Variants in TRARG1 observed in about 807,000 individuals in gnomAD.
TRARG1 encodes trafficking regulator of GLUT4 (SLC2A4) 1 (gene/pseudogene).
In TRARG1, 16 loss-of-function variants were observed where a neutral mutation model predicts 13.3. The observed-to-expected ratio is 1.20, with a 90% CI of 0.81 to 1.83. TRARG1 has a LOEUF of 1.83. Among genes scored for constraint, TRARG1 ranks in the 40% most tolerant of loss-of-function variants. The pLI is 0.00. For synonymous variants in TRARG1, 113 were observed against 106.2 expected (o/e 1.06, Z -0.39); for missense variants, 250 against 237.4 (o/e 1.05, Z -0.35).
At chr17:1,283,345 T>C (rs2071997382) in intron 1 of TRARG1, among the ~76,000 whole-genome samples, 1 of 152,064 alleles carries the variant, frequency 6.6e-6, no homozygotes, top group Non-Finnish European at 1.5e-5. Context: ...GGTACGTAAG[T>C]GGCAGCGGGG....
chr17:1,288,489 T>C (rs1306907667), intron 1 of TRARG1, among the ~76,000 whole-genome samples: 134 of 24,260 alleles, frequency 5.5e-3, no homozygotes, highest in African/African-American at 0.021. Context: ...CCATCCCCCA[T>C]GGGTTTCCCA....
intron 1 of TRARG1, among the ~76,000 whole-genome samples, chr17:1,291,531 T>C (rs12452409): frequency 0.72 from 109,577 of 152,192 alleles, 39,837 homozygotes; most frequent in East Asian, 0.86. Flanking sequence ...TGAGCCTCTC[T>C]GGCCATGCTG....
intron 1 of TRARG1, among the ~76,000 whole-genome samples, chr17:1,290,948 C>T (rs2072064737): frequency 6.6e-6 from 1 of 151,656 alleles, no homozygotes; most frequent in Non-Finnish European, 1.5e-5. Context: ...TGTTGTGGCC[C>T]AGGCTGGAGG....
rs190975778 is a variant in TRARG1, at chr17:1,280,977, C to T, written c.387+589C>T. 3.3e-3 allele frequency among the ~76,000 whole-genome samples: 508 copies of T among 152,328 alleles called. 13 individuals are homozygous for T. Among genetic ancestry groups the T allele is most frequent in the Non-Finnish European group, 9.6e-4 (65 of 68,014 alleles). ...CTCCTCCCGAGGCGTGGAGTTCCCT[C>T]CGGAGCCCTCTGCAGCTCCACAGCT... is the stretch of plus-strand genomic sequence containing the variant. On this transcript the variant is annotated intron_variant, in intron 1 of 2. Transcript: ENST00000333813.
rs559592688 is a variant in TRARG1 at position 1,281,627 on chromosome 17, G to A, written c.387+1239G>A. Among the ~76,000 whole-genome samples the A allele has an allele frequency of 2.5e-4, 38 of 152,266 alleles. No individual in the cohort carries two copies. The South Asian group carries it at 7.5e-3, about 30-fold the overall frequency. ...AGCAGGGCCGGGCAGGGGCCTTCCG[G>A]GCAGCTCTCTGTGATGCCTGCTGTA... On this transcript the variant is annotated intron_variant, in intron 1 of 2. Transcript: ENST00000333813.
chr17:1,292,358 C>A (rs1438656737), intron 1 of TRARG1, among the ~76,000 whole-genome samples: 6 of 152,184 alleles, frequency 3.9e-5, no homozygotes, highest in Non-Finnish European at 8.8e-5. Context: ...ACACTGCAGA[C>A]AGAAGGGTGT....
chr17:1,295,459 G>C (rs781212109), intron 1 of TRARG1, 32 bp from the exon 2 acceptor site: 3 of 1,561,488 alleles, frequency 1.9e-6, no homozygotes, highest in African/African-American at 2.7e-5. Flanking sequence ...AGCCTTCCCG[G>C]TTCCCGGGGT....
At position 1,298,862 on chromosome 17, in the gene TRARG1, C is replaced by A. The variant is rs115690245; in HGVS notation, c.*598C>A. The A allele has an allele frequency of 0.013, 2,038 of 152,482 alleles. 11 individuals are homozygous for A. Among genetic ancestry groups the A allele is most frequent in the Middle Eastern group, 0.058 (17 of 294 alleles). The allele number at this position is 152,482 out of a possible 1,614,324, so 9.4% of individuals were successfully genotyped here. On this transcript the variant is annotated 3_prime_UTR_variant, in exon 3 of 3. Transcript: ENST00000333813. The stretch of plus-strand genomic sequence containing the variant: ...AGGCACCTGTGGGGGGTGCAGCTCC[C>A]GGGAAGGAGGCAACTGCCTCACTTA...
At chr17:1,283,364 G>A (rs770184139) in intron 1 of TRARG1, among the ~76,000 whole-genome samples, 28 of 152,242 alleles carry the variant, frequency 1.8e-4, no homozygotes, top group Non-Finnish European at 2.6e-4. Flanking sequence ...GGAGCCTCCC[G>A]GGGGAGGCAG....
At chr17:1,295,646 G>C (rs2072106415) in intron 2 of TRARG1, 23 bp downstream of exon 2, 2 of 1,600,398 alleles carry the variant, frequency 1.2e-6, no homozygotes, top group Non-Finnish European at 1.7e-6. Flanking sequence ...TCCTTGGAGA[G>C]GAGGAAGCCA....
At position 1,280,149 on chromosome 17, in the gene TRARG1, C is replaced by T. The variant is rs762826527; in HGVS notation, c.148C>T (p.Pro50Ser). The change falls in exon 1 of 3, where the codon CCT becomes TCT. Residue 50 changes from proline to serine, a missense_variant. Pro to Ser is a moderately conservative substitution (Grantham distance 74). Coordinates refer to ENST00000333813, the MANE Select transcript of TRARG1 (RefSeq NM_172367.3). ...TLNLSKTLSG[P>S]LDLEQNSQGL... ...GAATCTGTCCAAGACCCTCTCGGGG[C>T]CTCTGGATCTGGAGCAGAACAGCCA... 7 of 1,613,898 alleles carry T rather than the reference C, an allele frequency of 4.3e-6. No individual in the cohort carries two copies. Among genetic ancestry groups the T allele is most frequent in the Non-Finnish European group, 5.1e-6 (6 of 1,180,010 alleles).
intron 1 of TRARG1, among the ~76,000 whole-genome samples, chr17:1,288,591 C>T (rs1394442802): frequency 2.7e-5 from 2 of 74,784 alleles, no homozygotes; most frequent in Non-Finnish European, 2.6e-5. Context: ...GGCTCCTCGT[C>T]CCCCTCCAGC....
rs775059793 is a variant in TRARG1 at position 1,295,476 on chromosome 17, G to T, written c.388-15G>T. ...CCTTCCCGGTTCCCGGGGTCTCTCT[G>T]TGCTCTCTCCGCAGTCTCGAAGCAG... On this transcript the variant is annotated splice_polypyrimidine_tract_variant and intron_variant, in intron 1 of 2. Transcript: ENST00000333813. The T allele has an allele frequency of 4.4e-6, 7 of 1,593,008 alleles. No homozygotes were observed. The Admixed American group carries it at 1.2e-4, about 28-fold the overall frequency.
rs200785581 is a variant in TRARG1 at position 1,282,212 on chromosome 17, ACGTATACACGTG to A, written c.387+1831_387+1842del. Among the ~76,000 whole-genome samples, 133 of 96,552 alleles carry A rather than the reference ACGTATACACGTG, an allele frequency of 1.4e-3. 2 individuals are homozygous for A. Among genetic ancestry groups the A allele is most frequent in the African/African-American group, 4.5e-3 (97 of 21,656 alleles). The allele number at this position is 96,552 out of a possible 152,430, so 63.3% of individuals were successfully genotyped here. ...TGTACGTGTACACGTGCGTATATGT[ACGTATACACGTG>A]CGTATATGTACGTATATGCACGTAT... On this transcript the variant is annotated intron_variant, in intron 1 of 2. Coordinates refer to ENST00000333813, the MANE Select transcript of TRARG1 (RefSeq NM_172367.3).
intron 1 of TRARG1, among the ~76,000 whole-genome samples, chr17:1,280,868 G>T (rs907886589): frequency 6.6e-6 from 1 of 152,174 alleles, no homozygotes; most frequent in Non-Finnish European, 1.5e-5. Context: ...TCCAAGAGTC[G>T]CAGCGGCTTC....
In TRARG1 at chr17:1,294,468, CTTT is replaced by C. The variant is rs542504095; in HGVS notation, c.388-1006_388-1004del. 2.3e-3 allele frequency among the ~76,000 whole-genome samples: 257 copies of C among 113,430 alleles called. 2 individuals carry two copies. Among genetic ancestry groups the C allele is most frequent in the African/African-American group, 6.1e-3 (169 of 27,812 alleles). 74.4% of individuals were successfully genotyped at this position (113,430 alleles called of 152,430 possible). A position where few individuals can be genotyped will look rare whatever the true frequency, so the allele number is the denominator to read the frequency against. On this transcript the variant is annotated intron_variant, in intron 1 of 2. Coordinates refer to ENST00000333813, the MANE Select transcript of TRARG1 (RefSeq NM_172367.3). ...GAAATGGAGGCTGTGAAGACAGTGT[CTTT>C]TTTTTTTTTTTTTTTTGAGGCAGTC... is the stretch of plus-strand genomic sequence containing the variant.
chr17:1,290,327 GCT>G (rs906285643), intron 1 of TRARG1, among the ~76,000 whole-genome samples: 29 of 152,138 alleles, frequency 1.9e-4, no homozygotes, highest in Admixed American at 1.5e-3. Flanking sequence ...ATGGAGTTTC[GCT>G]CTGTTGCCCA....
At chr17:1,284,362 C>T (rs1420698651) in intron 1 of TRARG1, among the ~76,000 whole-genome samples, 2 of 152,222 alleles carry the variant, frequency 1.3e-5, no homozygotes, top group Non-Finnish European at 2.9e-5. Context: ...CGTAGCAGCA[C>T]GCTGTAGGCT....
chr17:1,295,465 G>A (rs367909694), intron 1 of TRARG1, 26 bp from the exon 2 acceptor site: 200 of 1,565,704 alleles, frequency 1.3e-4, no homozygotes, highest in South Asian at 2.2e-4. Context: ...CCCGGTTCCC[G>A]GGGTCTCTCT....
Sources: allele counts gnomAD v4.1 joint callset (sites outside exome capture counted in the v4.1 genomes callset), GRCh38; gene constraint gnomAD v4.1.1; transcripts MANE v1.5; gene names NCBI Gene and HGNC (gene_info 2026-07-23, HGNC 2026-07-21).